SPATA6: variants seen among roughly 807,000 people sequenced by gnomAD.
SPATA6 encodes the protein spermatogenesis-associated protein 6.
A neutral mutation model predicts 65.3 loss-of-function variants in SPATA6; 56 were observed. That is an observed-to-expected ratio of 0.86 (90% CI 0.69 to 1.07). The LOEUF is 1.07. Among genes scored for constraint, SPATA6 ranks in the 50% least tolerant of loss-of-function variants. SPATA6 has a pLI of 0.00. For synonymous variants in SPATA6, 199 were observed against 213.2 expected (o/e 0.93, Z 0.58); for missense variants, 590 against 594.8 (o/e 0.99, Z 0.08).
chr1:48,352,538 G>GA (rs1202652500), intron 11 of SPATA6, among the ~76,000 whole-genome samples: 1 of 151,828 alleles, frequency 6.6e-6, no homozygotes, highest in African/African-American at 2.4e-5. Context: ...AAACTGGAGA[G>GA]AAAAAATAAT....
chr1:48,272,434 G>C, the SPATA6 span, among the ~76,000 whole-genome samples: 3 of 152,106 alleles, frequency 2.0e-5, no homozygotes, highest in South Asian at 6.2e-4. Flanking sequence ...GTGAGATCAT[G>C]AAGTATTTTT....
At position 48,325,334 on chromosome 1, in the gene SPATA6, G is replaced by A. The variant is rs575354933; in HGVS notation, c.1195-19456C>T. ...CACTGTGTGTAGGGCACAGGCCCCCGTAGAGTCCTCCCCTGAAGGCAAAGT... is the reference window on the plus strand; with the variant it reads ...CACTGTGTGTAGGGCACAGGCCCCCATAGAGTCCTCCCCTGAAGGCAAAGT... On this transcript the variant is annotated intron_variant, in intron 11 of 12. Coordinates refer to ENST00000371847, the MANE Select transcript of SPATA6 (RefSeq NM_019073.4). 55 of 1,302,330 alleles carry A rather than the reference G, an allele frequency of 4.2e-5. No individual in the cohort carries two copies. In the African/African-American group the frequency reaches 6.3e-4, roughly 15 times the overall value. 80.7% of individuals were successfully genotyped at this position (1,302,330 alleles called of 1,614,324 possible).
intron 1 of SPATA6, 31 bp from the exon 2 acceptor site, chr1:48,453,162 T>G (rs1656730675): frequency 6.3e-7 from 1 of 1,595,600 alleles, no homozygotes; most frequent in East Asian, 2.3e-5. Context: ...TGGATGTAAC[T>G]GCTTTATAAA....
chr1:48,437,899 A>G (rs576132543), intron 3 of SPATA6, among the ~76,000 whole-genome samples: 76 of 48,428 alleles, frequency 1.6e-3, no homozygotes, highest in Admixed American at 3.7e-3. Context: ...TGAATTGAGA[A>G]AAAAAAAAAA....
rs1171949968 is a variant in SPATA6, at chr1:48,435,848, T to C, written c.238+15704A>G. ...CGCACCGCTGGCAGCCTGAAGAGAG[T>C]CGCTGGCCATGGTCGCTGCTAGGTA... is the stretch of plus-strand genomic sequence containing the variant. On this transcript the variant is annotated intron_variant, in intron 3 of 12. Coordinates refer to ENST00000371847, the MANE Select transcript of SPATA6 (RefSeq NM_019073.4). The C allele has an allele frequency of 2.9e-5, 31 of 1,079,186 alleles. No individual in the cohort carries two copies. In the Admixed American group the frequency reaches 3.4e-4, roughly 12 times the overall value. The allele number at this position is 1,079,186 out of a possible 1,614,324, so 66.9% of individuals were successfully genotyped here. A position where few individuals can be genotyped will look rare whatever the true frequency, so the allele number is the denominator to read the frequency against.
chr1:48,417,748 T>C (rs1428073874), intron 3 of SPATA6, among the ~76,000 whole-genome samples: 1 of 151,846 alleles, frequency 6.6e-6, no homozygotes, highest in East Asian at 1.9e-4. Context: ...CGCTTGAACC[T>C]GGGAGACGGA....
chr1:48,318,661 A>C (rs1193092759), intron 11 of SPATA6, among the ~76,000 whole-genome samples: 1 of 152,186 alleles, frequency 6.6e-6, no homozygotes, highest in Non-Finnish European at 1.5e-5. Context: ...AGATCAAAAG[A>C]TATTTAAACA....
rs530695522 is a variant in SPATA6, at chr1:48,461,927, C to A, written c.52-8796G>T. On this transcript the variant is annotated intron_variant, in intron 1 of 12. Coordinates refer to ENST00000371847, the MANE Select transcript of SPATA6 (RefSeq NM_019073.4). ...TATTGCGGCACTATTCACAATAGCA[C>A]AGACTTGGAACCAACCCAAATGTCC... Among the ~76,000 whole-genome samples, 8 of 152,242 alleles carry A rather than the reference C, an allele frequency of 5.3e-5. No homozygotes were observed. In the South Asian group the frequency reaches 6.2e-4, roughly 12 times the overall value.
the SPATA6 span, among the ~76,000 whole-genome samples, chr1:48,269,947 C>G: frequency 6.6e-6 from 1 of 152,084 alleles, no homozygotes; most frequent in South Asian, 2.1e-4. Flanking sequence ...ATGAAAGTCT[C>G]TAACAAGATA....
At chr1:48,441,236 C>T (rs926167997) in intron 3 of SPATA6, among the ~76,000 whole-genome samples, 5 of 152,164 alleles carry the variant, frequency 3.3e-5, no homozygotes, top group African/African-American at 7.2e-5. Context: ...CACTGAGCCC[C>T]GGGTATGTTT....
At position 48,457,763 on chromosome 1, in the gene SPATA6, T is replaced by G. The variant is rs183911874; in HGVS notation, c.52-4632A>C. Among the ~76,000 whole-genome samples, 350 of 152,220 alleles carry G rather than the reference T, an allele frequency of 2.3e-3. 3 individuals carry two copies. The highest frequency in any genetic ancestry group is 3.9e-3 in the East Asian group (20 of 5,168). Reference sequence around the variant, plus strand: ...AATACTTAAAGAGAATCTTTCAGGTTGAACTGAAAGGATACTAGACATAGG... The same window carrying G: ...AATACTTAAAGAGAATCTTTCAGGTGGAACTGAAAGGATACTAGACATAGG... On this transcript the variant is annotated intron_variant, in intron 1 of 12. Coordinates refer to ENST00000371847, the MANE Select transcript of SPATA6 (RefSeq NM_019073.4).
At chr1:48,409,828 T>C (rs2147974125) in intron 5 of SPATA6, among the ~76,000 whole-genome samples, 1 of 152,260 alleles carries the variant, frequency 6.6e-6, no homozygotes, top group South Asian at 2.1e-4. Context: ...CAGCACCAAG[T>C]CCCTAGGCTG....
At chr1:48,282,728 G>C in the SPATA6 span, among the ~76,000 whole-genome samples, 2 of 152,300 alleles carry the variant, frequency 1.3e-5, no homozygotes, top group East Asian at 3.9e-4. Flanking sequence ...CTTTTACACT[G>C]TTGGTGGGAC....
chr1:48,273,255 A>C, the SPATA6 span, among the ~76,000 whole-genome samples: 1 of 152,154 alleles, frequency 6.6e-6, no homozygotes, highest in African/African-American at 2.4e-5. Flanking sequence ...TTTTACATTT[A>C]AGTCAATCCA....
At chr1:48,355,834 T>A in intron 10 of SPATA6, 65 bp from the exon 11 acceptor site, 1 of 1,301,944 alleles carries the variant, frequency 7.7e-7, no homozygotes, top group Non-Finnish European at 1.1e-6. Flanking sequence ...AGCTATACTA[T>A]CAAGTTTTCA....
At chr1:48,277,234 G>A in the SPATA6 span, among the ~76,000 whole-genome samples, 1 of 152,190 alleles carries the variant, frequency 6.6e-6, no homozygotes, top group East Asian at 1.9e-4. Context: ...CCGGTCTACA[G>A]TTTCCAGCGT....
At position 48,369,020 on chromosome 1, in the gene SPATA6, C is replaced by A. The variant is rs145144120; in HGVS notation, c.910-9250G>T. 5.3e-3 allele frequency among the ~76,000 whole-genome samples: 803 copies of A among 152,280 alleles called. 21 individuals are homozygous for A. The highest frequency in any genetic ancestry group is 0.05 in the South Asian group (241 of 4,830). On this transcript the variant is annotated intron_variant, in intron 9 of 12. Coordinates refer to ENST00000371847, the MANE Select transcript of SPATA6 (RefSeq NM_019073.4). ...TTAGTTTTCCTTCTGACAGACAGGA[C>A]CCTCAGCTGCAGGTCTGTTGGAGTT...
chr1:48,422,800 T>C (rs1054187183), intron 3 of SPATA6, among the ~76,000 whole-genome samples: 1 of 152,174 alleles, frequency 6.6e-6, no homozygotes, highest in African/African-American at 2.4e-5. Context: ...TTCAGCAATG[T>C]CAACTAAAAA....
chr1:48,471,949 G>C lies in SPATA6; in HGVS notation c.51+9C>G. ...ATGCCCGGGGGTGGGAGGCGCTACC[G>C]GTACTCACTGAGCTGATCTCCAGCG... On this transcript the variant is annotated intron_variant, in intron 1 of 12. Coordinates refer to ENST00000371847, the MANE Select transcript of SPATA6 (RefSeq NM_019073.4). 1.2e-6 allele frequency: 2 copies of C among 1,610,026 alleles called. No homozygotes were observed. Among genetic ancestry groups the C allele is most frequent in the Non-Finnish European group, 1.7e-6 (2 of 1,179,264 alleles).
Sources: allele counts gnomAD v4.1 joint callset (sites outside exome capture counted in the v4.1 genomes callset), GRCh38; gene constraint gnomAD v4.1.1; transcripts MANE v1.5; gene names NCBI Gene and HGNC (gene_info 2026-07-23, HGNC 2026-07-21).